PLCE1: variants seen among roughly 807,000 people sequenced by gnomAD.
The protein encoded by PLCE1 is phospholipase C epsilon 1.
PLCE1 carries 119 observed loss-of-function variants against 242.8 expected under a neutral mutation model. The ratio of observed to expected loss-of-function variants is 0.49; its 90% CI spans 0.42 to 0.57. PLCE1 has a LOEUF of 0.57. Ranked by LOEUF, PLCE1 falls within the 20% of genes least tolerant of loss-of-function variation. The pLI is 0.00. For missense variants in PLCE1, 2,441 were observed against 2,788.8 expected, an observed-to-expected ratio of 0.88 and a Z score of 2.81; for synonymous variants, 945 against 1,017.4, an observed-to-expected ratio of 0.93 and a Z score of 1.35.
chr10:93,998,430 A>G (rs925082590), intron 1 of PLCE1, among the ~76,000 whole-genome samples: 1 of 152,118 alleles, frequency 6.6e-6, no homozygotes. Flanking sequence ...GACTCCCTGA[A>G]TCCAGTTATC....
rs970023960 is a variant in PLCE1 at position 94,060,841 on chromosome 10, C to T, written c.1206+28589C>T. Among the ~76,000 whole-genome samples the T allele has an allele frequency of 9.9e-5, 15 of 151,806 alleles. No individual in the cohort carries two copies. In the South Asian group the frequency reaches 1.0e-3, roughly 11 times the overall value. ...CTTCCCAAGTAGCTGGGACTACAGGCGCATGTCACCACACCCAGCTAATTT... is the reference window on the plus strand; with the variant it reads ...CTTCCCAAGTAGCTGGGACTACAGGTGCATGTCACCACACCCAGCTAATTT... On this transcript the variant is annotated intron_variant, in intron 2 of 32. Coordinates refer to ENST00000371380, the MANE Select transcript of PLCE1 (RefSeq NM_016341.4).
At chr10:94,294,399 C>G (rs1318463144) in intron 23 of PLCE1, among the ~76,000 whole-genome samples, 1 of 151,994 alleles carries the variant, frequency 6.6e-6, no homozygotes, top group Non-Finnish European at 1.5e-5. Context: ...CAGAAGTAAC[C>G]ACTATTAAAT....
At chr10:94,233,927 A>C in intron 5 of PLCE1, 127 bp from the exon 6 acceptor site, 1 of 827,570 alleles carries the variant, frequency 1.2e-6, no homozygotes, top group Non-Finnish European at 1.9e-6. Flanking sequence ...CAGCCTGGGC[A>C]ACAGAGTGAG....
At chr10:94,014,456 T>A (rs1589855862) in intron 1 of PLCE1, among the ~76,000 whole-genome samples, 1 of 129,414 alleles carries the variant, frequency 7.7e-6, no homozygotes, top group Non-Finnish European at 1.6e-5. Flanking sequence ...AAAAAAAAAA[T>A]TAGCTGGGTG....
intron 3 of PLCE1, among the ~76,000 whole-genome samples, chr10:94,169,575 G>A (rs1186440610): frequency 1.3e-5 from 2 of 152,214 alleles, no homozygotes; most frequent in Non-Finnish European, 2.9e-5. Context: ...CACTGTCTCA[G>A]CATAGTTAAG....
At chr10:94,227,068 G>T (rs2049970529) in intron 4 of PLCE1, 2 of 438,022 alleles carry the variant, frequency 4.6e-6, no homozygotes, top group Non-Finnish European at 8.5e-6. Flanking sequence ...GTAGAAACGG[G>T]CTTTCACCAC....
intron 30 of PLCE1, among the ~76,000 whole-genome samples, chr10:94,322,420 G>C (rs929754819): frequency 3.3e-5 from 5 of 152,046 alleles, no homozygotes; most frequent in Non-Finnish European, 4.4e-5. Flanking sequence ...GGAGGCTGAG[G>C]GGGGCAGATC....
intron 4 of PLCE1, among the ~76,000 whole-genome samples, chr10:94,217,948 T>C (rs2049587321): frequency 6.6e-6 from 1 of 152,144 alleles, no homozygotes; most frequent in South Asian, 2.1e-4. Context: ...ACTTTTTTTT[T>C]TTTTAGTTTT....
rs2045046335 is a variant in PLCE1 at position 94,090,998 on chromosome 10, C to G, written c.1207-41176C>G. On this transcript the variant is annotated intron_variant, in intron 2 of 32. Coordinates refer to ENST00000371380, the MANE Select transcript of PLCE1 (RefSeq NM_016341.4). ...TCTATTTTAGAGGAATCTAGACAAG[C>G]TATTGTTACAAATGCTTTTCCTCAA... 2.0e-5 allele frequency among the ~76,000 whole-genome samples: 3 copies of G among 152,222 alleles called. No individual in the cohort carries two copies. The South Asian group carries it at 6.2e-4, about 32-fold the overall frequency.
chr10:94,017,432 C>T (rs866513082), intron 1 of PLCE1, among the ~76,000 whole-genome samples: 1 of 152,112 alleles, frequency 6.6e-6, no homozygotes, highest in African/African-American at 2.4e-5. Context: ...TGAGTTTTAA[C>T]GAGGTATTCT....
intron 1 of PLCE1, among the ~76,000 whole-genome samples, chr10:94,002,497 A>G (rs184834733): frequency 2.0e-5 from 3 of 152,370 alleles, no homozygotes; most frequent in African/African-American, 7.2e-5. Context: ...TATAAAATAT[A>G]TCACCCATTT....
intron 9 of PLCE1, among the ~76,000 whole-genome samples, chr10:94,252,970 A>C (rs921835778): frequency 6.6e-6 from 1 of 152,222 alleles, no homozygotes; most frequent in African/African-American, 2.4e-5. Flanking sequence ...TGGCTAGAGC[A>C]TGAGCACTCT....
intron 23 of PLCE1, among the ~76,000 whole-genome samples, chr10:94,296,261 G>A (rs1469087816): frequency 6.6e-6 from 1 of 151,716 alleles, no homozygotes; most frequent in Non-Finnish European, 1.5e-5. Flanking sequence ...AGCTACTCAG[G>A]AGGCTGAGGC....
chr10:94,193,666 C>CA (rs2048735919), intron 4 of PLCE1, among the ~76,000 whole-genome samples: 1 of 152,188 alleles, frequency 6.6e-6, no homozygotes, highest in Admixed American at 6.5e-5. Flanking sequence ...GCAATCCTAA[C>CA]AAAAATACTG....
chr10:94,298,440 G>A lies in PLCE1; in HGVS notation c.5229G>A (p.Thr1743=), dbSNP rs762993594. 7 of 1,613,892 alleles carry A rather than the reference G, an allele frequency of 4.3e-6. No individual in the cohort carries two copies. In the East Asian group the frequency reaches 6.7e-5, roughly 15 times the overall value. Residue 1743 remains threonine (T), a synonymous_variant, in exon 24 of 33, where the codon ACG becomes ACA. Coordinates refer to ENST00000371380, the MANE Select transcript of PLCE1 (RefSeq NM_016341.4). This position sits in a 1 kb window ranked among gnomAD's most constrained non-coding sequence, Gnocchi z 5.2. ...CTTCTTCCCCTCTCAACCCAACCAC[G>A]TCCCTCAGTGCTATCATTAGAACTC... ...EESSSPLNPT[T]SLSAIIRTPK...
chr10:94,284,063 G>T, intron 21 of PLCE1, 152 bp downstream of exon 21: 1 of 864,698 alleles, frequency 1.2e-6, no homozygotes, highest in Non-Finnish European at 1.8e-6. Flanking sequence ...GATATTAAAA[G>T]ACACCCACCT....
chr10:94,179,259 G>A (rs1298504633), intron 4 of PLCE1, among the ~76,000 whole-genome samples: 2 of 152,144 alleles, frequency 1.3e-5, no homozygotes, highest in Non-Finnish European at 2.9e-5. Context: ...GTTAGCTGTA[G>A]ATGGCACTTC....
chr10:94,248,112 C>T (rs1007166218), intron 8 of PLCE1, among the ~76,000 whole-genome samples: 11 of 151,842 alleles, frequency 7.2e-5, no homozygotes, highest in Admixed American at 7.2e-4. Flanking sequence ...ACATTTCTCG[C>T]CCCAGGAAGT....
At chr10:94,008,264 C>A (rs542595475) in intron 1 of PLCE1, among the ~76,000 whole-genome samples, 2 of 148,576 alleles carry the variant, frequency 1.3e-5, no homozygotes, top group African/African-American at 5.0e-5. Context: ...AGATCTAAGT[C>A]ACAAAAACAA....
Sources: gnomAD v4.1 joint callset for allele counts (sites outside exome capture counted in the v4.1 genomes callset) on GRCh38, gnomAD v4.1.1 for gene constraint, Gnocchi (gnomAD v3.1) non-coding constraint, MANE v1.5 for transcripts, NCBI Gene and HGNC (gene_info 2026-07-23, HGNC 2026-07-21) for gene names.